ANKRA2: variants seen among roughly 807,000 people sequenced by gnomAD.
The protein encoded by ANKRA2 is ankyrin repeat family A member 2.
ANKRA2 carries 33 observed loss-of-function variants against 37.8 expected under a neutral mutation model. The ratio of observed to expected loss-of-function variants is 0.87; its 90% CI spans 0.66 to 1.17. The LOEUF (loss-of-function observed/expected upper bound fraction) is 1.17. Ranked by LOEUF, ANKRA2 falls within the 50% of genes most tolerant of loss-of-function variation. The pLI is 0.00. For synonymous variants in ANKRA2, 126 were observed against 132.3 expected (o/e 0.95, Z 0.33); for missense variants, 326 against 373.7 (o/e 0.87, Z 1.05).
intron 8 of ANKRA2, 60 bp downstream of exon 8, chr5:73,553,346 T>C (rs1029555140): frequency 6.3e-5 from 80 of 1,273,030 alleles, no homozygotes; most frequent in Non-Finnish European, 8.1e-5. Flanking sequence ...TTTGGAGTAC[T>C]GGCTTATACT....
intron 4 of ANKRA2, among the ~76,000 whole-genome samples, chr5:73,557,163 AAAG>A (rs772033683): frequency 6.6e-6 from 1 of 151,614 alleles, no homozygotes; most frequent in East Asian, 1.9e-4. Flanking sequence ...GGAACTATGA[AAAG>A]AATAAAATAG....
intron 3 of ANKRA2, among the ~76,000 whole-genome samples, chr5:73,560,829 C>T (rs1428240318): frequency 2.0e-5 from 3 of 152,204 alleles, no homozygotes; most frequent in Non-Finnish European, 2.9e-5. Flanking sequence ...CTGGTAAACA[C>T]CAGTCCACTG....
In ANKRA2 at chr5:73,565,256, G is replaced by T. The variant is rs116261631; in HGVS notation, c.-229C>A. The T allele has an allele frequency of 6.5e-6, 1 of 152,726 alleles. No homozygotes were observed. The highest frequency in any genetic ancestry group is 1.5e-5 in the Non-Finnish European group (1 of 68,242). 9.5% of individuals were successfully genotyped at this position (152,726 alleles called of 1,614,324 possible). A position where few individuals can be genotyped will look rare whatever the true frequency, so the allele number is the denominator to read the frequency against. ...AGCTGTGCCCGAAAAGTCCCAGGAAGAAACTCTCGCTCATCCGCGGCGAGC... is the reference window on the plus strand; with the variant it reads ...AGCTGTGCCCGAAAAGTCCCAGGAATAAACTCTCGCTCATCCGCGGCGAGC... On this transcript the variant is annotated 5_prime_UTR_variant, in exon 1 of 9. Transcript: ENST00000296785.
At chr5:73,558,892 A>G (rs1453190156) in intron 3 of ANKRA2, among the ~76,000 whole-genome samples, 1 of 152,214 alleles carries the variant, frequency 6.6e-6, no homozygotes, top group Non-Finnish European at 1.5e-5. Flanking sequence ...GATGTTGGAT[A>G]AGTTTAAACA....
chr5:73,560,572 G>T (rs1163547895), intron 3 of ANKRA2, among the ~76,000 whole-genome samples: 1 of 152,024 alleles, frequency 6.6e-6, no homozygotes, highest in Non-Finnish European at 1.5e-5. Context: ...TTTTAGTAGA[G>T]ACAGGGTCTT....
At position 73,565,487 on chromosome 5, in the gene ANKRA2, G is replaced by C. The variant is rs1031352296; in HGVS notation, c.-460C>G. ...AAAAACGTTCCGCAGCAATGCAGCTGAAACTTTCGGGTTTTCTTTTTTTTG... is the reference window on the plus strand; with the variant it reads ...AAAAACGTTCCGCAGCAATGCAGCTCAAACTTTCGGGTTTTCTTTTTTTTG... On this transcript the variant is annotated 5_prime_UTR_variant, in exon 1 of 9. Coordinates refer to ENST00000296785, the MANE Select transcript of ANKRA2 (RefSeq NM_023039.5). The C allele has an allele frequency of 3.9e-6, 1 of 255,648 alleles. No individual in the cohort carries two copies. The highest frequency in any genetic ancestry group is 2.3e-5 in the African/African-American group (1 of 44,000). The allele number at this position is 255,648 out of a possible 1,614,324, so 15.8% of individuals were successfully genotyped here. A position where few individuals can be genotyped will look rare whatever the true frequency, so the allele number is the denominator to read the frequency against.
At chr5:73,560,534 A>T (rs1234597121) in intron 3 of ANKRA2, among the ~76,000 whole-genome samples, 1 of 151,576 alleles carries the variant, frequency 6.6e-6, no homozygotes, top group African/African-American at 2.4e-5. Flanking sequence ...CTATTTTTTG[A>T]AATTTTTTTA....
rs201840851 is a variant in ANKRA2, at chr5:73,558,060, G to GA, written c.449-421dup. Among the ~76,000 whole-genome samples, 523 of 144,420 alleles carry GA rather than the reference G, an allele frequency of 3.6e-3. 2 individuals are homozygous for GA. Among genetic ancestry groups the GA allele is most frequent in the African/African-American group, 0.012 (472 of 39,638 alleles). The allele number at this position is 144,420 out of a possible 152,430, so 94.7% of individuals were successfully genotyped here. On this transcript the variant is annotated intron_variant, in intron 3 of 8. Transcript: ENST00000296785. ...CCACTGCACTCCAGTCTGGGTGACAGAAAAAAAAAAAGTACCCTAAAATTA... is the reference window on the plus strand; with the variant it reads ...CCACTGCACTCCAGTCTGGGTGACAGAAAAAAAAAAAAGTACCCTAAAATTA...
At chr5:73,553,563 T>G in intron 7 of ANKRA2, 77 bp from the exon 8 acceptor site, 1 of 1,214,766 alleles carries the variant, frequency 8.2e-7, no homozygotes, top group Admixed American at 1.9e-5. Flanking sequence ...CATGTACAAA[T>G]AGCTGGAGAG....
rs965965807 is a variant in ANKRA2, at chr5:73,561,018, A to G, written c.448+112T>C. 5 of 1,139,830 alleles carry G rather than the reference A, an allele frequency of 4.4e-6. No homozygotes were observed. In the Admixed American group the frequency reaches 1.2e-4, roughly 28 times the overall value. 70.6% of individuals were successfully genotyped at this position (1,139,830 alleles called of 1,614,324 possible). On this transcript the variant is annotated intron_variant, in intron 3 of 8. Transcript: ENST00000296785. ...TGAATAGTATTCCATTGTGTAGTATAACACATTTTCTTTATCCAGAAAATA... is the reference window on the plus strand; with the variant it reads ...TGAATAGTATTCCATTGTGTAGTATGACACATTTTCTTTATCCAGAAAATA...
chr5:73,557,247 T>A (rs911080677), intron 4 of ANKRA2, among the ~76,000 whole-genome samples: 22 of 151,956 alleles, frequency 1.4e-4, no homozygotes, highest in African/African-American at 5.3e-4. Context: ...GTAGTGTATA[T>A]TTTCCCTTTT....
intron 1 of ANKRA2, 127 bp from the exon 2 acceptor site, chr5:73,563,112 A>C (rs1462317077): frequency 3.3e-5 from 12 of 359,118 alleles, no homozygotes; most frequent in Non-Finnish European, 5.0e-5. Flanking sequence ...GAAAGAATAT[A>C]ATGTTCAGAG....
In ANKRA2 at chr5:73,565,547, G is replaced by T; in HGVS notation, c.-520C>A. On this transcript the variant is annotated 5_prime_UTR_variant, in exon 1 of 9. Coordinates refer to ENST00000296785, the MANE Select transcript of ANKRA2 (RefSeq NM_023039.5). ...CCTTTTTTTTAATATTTTTGTTTTTGCCGCCTTTACGCTCCGAGGCCCATC... is the reference window on the plus strand; with the variant it reads ...CCTTTTTTTTAATATTTTTGTTTTTTCCGCCTTTACGCTCCGAGGCCCATC... 2 of 188,790 alleles carry T rather than the reference G, an allele frequency of 1.1e-5. No homozygotes were observed. Among genetic ancestry groups the T allele is most frequent in the South Asian group, 1.4e-4 (2 of 14,122 alleles). The allele number at this position is 188,790 out of a possible 1,614,324, so 11.7% of individuals were successfully genotyped here.
intron 5 of ANKRA2, 177 bp downstream of exon 5, chr5:73,555,311 C>A (rs1747369421): frequency 1.6e-6 from 2 of 1,228,436 alleles, no homozygotes; most frequent in African/African-American, 3.1e-5. Context: ...CTCACTGTTG[C>A]ATGTATGATT....
intron 7 of ANKRA2, among the ~76,000 whole-genome samples, chr5:73,553,920 G>A (rs764560646): frequency 3.3e-5 from 5 of 151,860 alleles, no homozygotes; most frequent in African/African-American, 4.8e-5. Flanking sequence ...GATTACAGGC[G>A]CCCACCTGCC....
chr5:73,562,269 G>A (rs1003799864), intron 2 of ANKRA2, among the ~76,000 whole-genome samples: 1 of 151,936 alleles, frequency 6.6e-6, no homozygotes, highest in African/African-American at 2.4e-5. Context: ...TGTCCACCTC[G>A]GCCTCCCAAA....
chr5:73,564,269 T>A (rs1013599567), intron 1 of ANKRA2, among the ~76,000 whole-genome samples: 1 of 152,236 alleles, frequency 6.6e-6, no homozygotes. Context: ...CTGTGTTTCC[T>A]GAGGGAAGAA....
chr5:73,555,580 C>T lies in ANKRA2; in HGVS notation c.520G>A (p.Val174Ile), dbSNP rs1747378768. 6.2e-7 allele frequency: 1 copy of T among 1,613,356 alleles called. No homozygotes were observed. Among genetic ancestry groups the T allele is most frequent in the Non-Finnish European group, 8.5e-7 (1 of 1,179,764 alleles). Residue 174 changes from valine (V) to isoleucine (I), a missense_variant, in exon 5 of 9, where the codon GTT (valine) becomes ATT (isoleucine). By Grantham distance (29) the Val-to-Ile change is conservative. This residue lies in a region of ANKRA2 where 228 missense variants were observed against 260.2 expected (regional missense o/e 0.88). Coordinates refer to ENST00000296785, the MANE Select transcript of ANKRA2 (RefSeq NM_023039.5). The part of the protein sequence containing the change: ...YLATRIEQEN[V>I]INHTDEEGFT... Reference sequence around the variant, plus strand: ...CCTTCTTCATCCGTGTGATTGATAACATTTTCTATTTAAAAGAAAAGCAAT... The same window carrying T: ...CCTTCTTCATCCGTGTGATTGATAATATTTTCTATTTAAAAGAAAAGCAAT...
Position 73,562,825 on chromosome 5 carries a change from G to A in ANKRA2, c.57C>T (p.Pro19=), listed in dbSNP as rs746646135. 2 of 1,613,996 alleles carry A rather than the reference G, an allele frequency of 1.2e-6. No homozygotes were observed. Among genetic ancestry groups the A allele is most frequent in the Non-Finnish European group, 1.7e-6 (2 of 1,179,954 alleles). ...IGAQLIVEEC[P]STYSLTGMPD... is the part of the protein sequence containing the mutation. ...GCATGCCAGTTAGGCTATAAGTGCT[G>A]GGACACTCTTCCACGATAAGCTGGG... Residue 19 remains proline, a synonymous_variant, in exon 2 of 9, where the codon CCC becomes CCT. Coordinates refer to ENST00000296785, the MANE Select transcript of ANKRA2 (RefSeq NM_023039.5).
Sources: allele counts gnomAD v4.1 joint callset (sites outside exome capture counted in the v4.1 genomes callset), GRCh38; gene constraint gnomAD v4.1.1; regional missense constraint gnomAD v4.1.1; transcripts MANE v1.5; gene names NCBI Gene and HGNC (gene_info 2026-07-23, HGNC 2026-07-21).